AIFM3: variants seen among roughly 807,000 people sequenced by gnomAD.
AIFM3 encodes AIF family member 3.
A neutral mutation model predicts 82.7 loss-of-function variants in AIFM3; 71 were observed. The ratio of observed to expected loss-of-function variants is 0.86; its 90% CI spans 0.71 to 1.05. The LOEUF (loss-of-function observed/expected upper bound fraction) is 1.05, where lower values mean the gene tolerates loss of function less well. Among genes scored for constraint, AIFM3 ranks in the 50% least tolerant of loss-of-function variants. AIFM3 has a pLI of 0.00. For synonymous variants in AIFM3, 337 were observed against 329.1 expected (o/e 1.02, Z -0.26); for missense variants, 748 against 816.7 (o/e 0.92, Z 1.03).
Position 20,980,986 on chromosome 22 carries a change from C to A in AIFM3, c.1779-6C>A. On this transcript the variant is annotated splice_polypyrimidine_tract_variant and splice_region_variant and intron_variant, in intron 20 of 20. Transcript: ENST00000440238. ...GTCTTGACCCCTCCTCCCCTCACTCCTGCAGGACTGGCGACATGTCCTGGC... is the reference window on the plus strand; with the variant it reads ...GTCTTGACCCCTCCTCCCCTCACTCATGCAGGACTGGCGACATGTCCTGGC... 6.2e-7 allele frequency: 1 copy of A among 1,614,210 alleles called. No homozygotes were observed. Among genetic ancestry groups the A allele is most frequent in the East Asian group, 2.2e-5 (1 of 44,884 alleles).
At position 20,974,563 on chromosome 22, in the gene AIFM3, G is replaced by A. The variant is rs752514354; in HGVS notation, c.549G>A (p.Lys183=). ...QLQRRTKVMA[K]CISPSAGYSS... Reference sequence around the variant, plus strand: ...AGCGAAGGACCAAGGTGATGGCCAAGTGTATCTCTCCAAGTGCTGGGTACA... The same window carrying A: ...AGCGAAGGACCAAGGTGATGGCCAAATGTATCTCTCCAAGTGCTGGGTACA... The change falls in exon 7 of 21, where the codon AAG becomes AAA. Residue 183 remains lysine (K), a synonymous_variant. Transcript: ENST00000440238. 6.2e-7 allele frequency: 1 copy of A among 1,613,814 alleles called. No individual in the cohort carries two copies. Among genetic ancestry groups the A allele is most frequent in the Non-Finnish European group, 8.5e-7 (1 of 1,179,906 alleles).
chr22:20,980,803 T>C, intron 20 of AIFM3, 36 bp downstream of exon 20: 1 of 1,613,782 alleles, frequency 6.2e-7, no homozygotes, highest in East Asian at 2.2e-5. Flanking sequence ...TTCTGAGCCT[T>C]TCCCATGTCA....
At chr22:20,975,402 A>G (rs1569148511) in intron 8 of AIFM3, among the ~76,000 whole-genome samples, 1 of 151,956 alleles carries the variant, frequency 6.6e-6, no homozygotes, top group East Asian at 1.9e-4. Context: ...GGTAGCTAGG[A>G]CTACAGGCGC....
rs181636008 is a variant in AIFM3, at chr22:20,976,500, G to C, written c.992G>C (p.Arg331Pro). ...GCCAATCGCGTGGTGAGGCTGGCCC[G>C]AGGCCGCAACGTGGTCGTCGTGGGA... ...EDANRVVRLARGRNVVVVGAG... is the reference protein window; with the variant it reads ...EDANRVVRLAPGRNVVVVGAG... The change falls in exon 11 of 21, where the codon CGA (arginine) becomes CCA (proline). Residue 331 changes from arginine (R) to proline (P), a missense_variant. Around this residue, in one of 5 missense-constraint regions of AIFM3, gnomAD observed 393 missense variants for 481.1 expected, o/e 0.82. Transcript: ENST00000440238. 1 of 1,613,662 alleles carries C rather than the reference G, an allele frequency of 6.2e-7. No homozygotes were observed. Among genetic ancestry groups the C allele is most frequent in the Admixed American group, 1.7e-5 (1 of 60,004 alleles).
chr22:20,979,544 T>C, intron 17 of AIFM3, 83 bp from the exon 18 acceptor site: 1 of 1,551,694 alleles, frequency 6.4e-7, no homozygotes, highest in Non-Finnish European at 8.9e-7. Context: ...GAGCAGGGCC[T>C]GGGCGGGGTT....
rs1462743995 is a variant in AIFM3, at chr22:20,979,384, T to G, written c.1576+15T>G. ...GCGCTACGCGGGTAACCCCGGGGCC[T>G]CGGATGGGGGCGGGGCCGAGGGCGT... On this transcript the variant is annotated intron_variant, in intron 17 of 20. Coordinates refer to ENST00000440238, the MANE Select transcript of AIFM3 (RefSeq NM_001386814.1). The G allele has an allele frequency of 1.0e-5, 15 of 1,463,910 alleles. No homozygotes were observed. The highest frequency in any genetic ancestry group is 1.3e-5 in the Non-Finnish European group (14 of 1,097,444). The allele number at this position is 1,463,910 out of a possible 1,614,324, so 90.7% of individuals were successfully genotyped here.
intron 2 of AIFM3, among the ~76,000 whole-genome samples, 185 bp downstream of exon 2, chr22:20,968,160 C>G (rs1601698667): frequency 1.3e-5 from 2 of 152,304 alleles, no homozygotes; most frequent in African/African-American, 4.8e-5. Flanking sequence ...GTTCCCCCAG[C>G]TGGCCCCTGC....
At chr22:20,975,922 C>T in intron 9 of AIFM3, 144 bp downstream of exon 9, 2 of 914,592 alleles carry the variant, frequency 2.2e-6, no homozygotes, top group Non-Finnish European at 3.3e-6. Context: ...GCTTGGGAGA[C>T]AGCAAGGAGC....
At chr22:20,977,198 C>T in intron 14 of AIFM3, 103 bp downstream of exon 14, 1 of 1,495,522 alleles carries the variant, frequency 6.7e-7, no homozygotes, top group Non-Finnish European at 9.2e-7. Context: ...GCCTCAGTTT[C>T]CACCACATCT....
Position 20,979,278 on chromosome 22 carries a change from G to GGGTCCC in AIFM3, c.1486_1487insGTCCCG (p.Val495_Ala496insGlyPro). On this transcript the variant is annotated inframe_insertion, in exon 17 of 21. Coordinates refer to ENST00000440238, the MANE Select transcript of AIFM3 (RefSeq NM_001386814.1). ...CGGCCCTGGGTCCCGCAGGGCGCGT[G>GGGTCCC]GCAGCCCAGAACATGTTGGCGCAGG... is the stretch of plus-strand genomic sequence containing the variant. 6.4e-7 allele frequency: 1 copy of GGGTCCC among 1,556,008 alleles called. No individual in the cohort carries two copies. Among genetic ancestry groups the GGGTCCC allele is most frequent in the Non-Finnish European group, 8.7e-7 (1 of 1,149,368 alleles).
Position 20,977,052 on chromosome 22 carries a change from G to A in AIFM3, c.1239G>A (p.Lys413=). 6.2e-7 allele frequency: 1 copy of A among 1,614,220 alleles called. No homozygotes were observed. Among genetic ancestry groups the A allele is most frequent in the Non-Finnish European group, 8.5e-7 (1 of 1,180,036 alleles). The change falls in exon 14 of 21, where the codon AAG becomes AAA. Residue 413 remains lysine (K), a synonymous_variant. Transcript: ENST00000440238. Reference sequence around the variant, plus strand: ...CACAGCTGAAGGAGGTTGTGCTGAAGAGCAGCAAGGTCGTGCGGGCTGACG... The same window carrying A: ...CACAGCTGAAGGAGGTTGTGCTGAAAAGCAGCAAGGTCGTGCGGGCTGACG... The part of the protein sequence containing the change: ...QEGKLKEVVL[K]SSKVVRADVC...
At chr22:20,974,476 A>C in intron 6 of AIFM3, 49 bp from the exon 7 acceptor site, 3 of 1,580,922 alleles carry the variant, frequency 1.9e-6, no homozygotes, top group Non-Finnish European at 2.6e-6. Flanking sequence ...TGCCAGGATG[A>C]TGGCATGCAG....
At chr22:20,966,521 C>T (rs1489933376), upstream of AIFM3, 1 of 152,342 alleles carries the variant, frequency 6.6e-6, no homozygotes, top group Admixed American at 6.5e-5. Flanking sequence ...CACCCACGGC[C>T]CTTCCTGGTA....
At chr22:20,971,585 T>C (rs1375171679) in intron 2 of AIFM3, among the ~76,000 whole-genome samples, 1 of 152,080 alleles carries the variant, frequency 6.6e-6, no homozygotes, top group Non-Finnish European at 1.5e-5. Flanking sequence ...GGCCTGGAGG[T>C]GCATCTCGGC....
In AIFM3 at chr22:20,977,899, C is replaced by A; in HGVS notation, c.1371C>A (p.Thr457=). 6.2e-7 allele frequency: 1 copy of A among 1,614,180 alleles called. No homozygotes were observed. Among genetic ancestry groups the A allele is most frequent in the South Asian group, 1.1e-5 (1 of 91,080 alleles). Residue 457 remains threonine (T), a synonymous_variant, in exon 16 of 21, where the codon ACC becomes ACA. Coordinates refer to ENST00000440238, the MANE Select transcript of AIFM3 (RefSeq NM_001386814.1). ...CCCTCTCTCTACAGATGATGCAGAC[C>A]AATGTCCCAGGCGTGTTTGCAGCTG... ...GFIPVNKMMQ[T]NVPGVFAAGD...
intron 8 of AIFM3, 102 bp from the exon 9 acceptor site, chr22:20,975,590 C>T (rs1391582664): frequency 1.5e-5 from 17 of 1,147,910 alleles, no homozygotes; most frequent in Non-Finnish European, 2.1e-5. Context: ...TTGCTGAGTT[C>T]TGTCCTGCAG....
chr22:20,967,887 G>A lies in AIFM3; in HGVS notation c.-58G>A. The A allele has an allele frequency of 6.2e-7, 1 of 1,608,210 alleles. No homozygotes were observed. The highest frequency in any genetic ancestry group is 8.5e-7 in the Non-Finnish European group (1 of 1,175,050). Reference sequence around the variant, plus strand: ...TCCAGCCCCATGGGGGGCGCCCTAGGCCTCCGACAGCTCCCCATCTGTGCT... The same window carrying A: ...TCCAGCCCCATGGGGGGCGCCCTAGACCTCCGACAGCTCCCCATCTGTGCT... On this transcript the variant is annotated 5_prime_UTR_variant, in exon 2 of 21. Coordinates refer to ENST00000440238, the MANE Select transcript of AIFM3 (RefSeq NM_001386814.1).
At chr22:20,965,726 C>G (rs1452451229), upstream of AIFM3, among the ~76,000 whole-genome samples, 1 of 151,956 alleles carries the variant, frequency 6.6e-6, no homozygotes, top group Admixed American at 6.6e-5. Context: ...GGGCAGGTGG[C>G]GAGAGGTGGA....
chr22:20,974,548 C>G lies in AIFM3; in HGVS notation c.534C>G (p.Thr178=). The part of the protein sequence containing the change: ...SKQALQLQRR[T]KVMAKCISPS... ...AGGCCCTACAGCTGCAGCGAAGGAC[C>G]AAGGTGATGGCCAAGTGTATCTCTC... The change falls in exon 7 of 21, where the codon ACC becomes ACG. Residue 178 remains threonine, a synonymous_variant. Transcript: ENST00000440238. The G allele has an allele frequency of 4.3e-6, 7 of 1,613,376 alleles. No individual in the cohort carries two copies. The highest frequency in any genetic ancestry group is 5.9e-6 in the Non-Finnish European group (7 of 1,179,794).
Sources: allele counts gnomAD v4.1 joint callset (sites outside exome capture counted in the v4.1 genomes callset), GRCh38; gene constraint gnomAD v4.1.1; regional missense constraint gnomAD v4.1.1; transcripts MANE v1.5; gene names NCBI Gene and HGNC (gene_info 2026-07-23, HGNC 2026-07-21).